The following MYH11 variants were observed in gnomAD, a reference collection of about 807,000 sequenced individuals.
The protein encoded by MYH11 is myosin heavy chain 11, also known as myosin-11.
In MYH11, 80 loss-of-function variants were observed where a neutral mutation model predicts 246.6. The observed-to-expected ratio is 0.32, with a 90% CI of 0.27 to 0.39. MYH11 has a LOEUF of 0.39. MYH11 is among the 10% of genes least tolerant of loss of function. The probability of loss-of-function intolerance (pLI) is 1.00; values close to 1 mark genes in which losing one functional copy is unlikely to be tolerated. For missense variants in MYH11, 2,158 were observed against 2,546.8 expected (o/e 0.85, Z 3.29); for synonymous variants, 1,071 against 1,015.5 (o/e 1.05, Z -1.04).
chr16:15,785,096 C>G (rs1232707232), intron 5 of MYH11: 3 of 172,582 alleles, frequency 1.7e-5, no homozygotes, highest in African/African-American at 7.5e-5. Flanking sequence ...ACCATCCTCC[C>G]ACCTTGGCCT....
In MYH11 at chr16:15,741,284, C is replaced by G. The variant is rs943916585; in HGVS notation, c.2859+179G>C. 8.3e-6 allele frequency: 6 copies of G among 722,454 alleles called. No homozygotes were observed. The African/African-American group carries it at 1.0e-4, about 12-fold the overall frequency. The allele number at this position is 722,454 out of a possible 1,614,324, so 44.8% of individuals were successfully genotyped here. On this transcript the variant is annotated intron_variant, in intron 22 of 40. Coordinates refer to ENST00000300036, the MANE Select transcript of MYH11 (RefSeq NM_002474.3). The stretch of plus-strand genomic sequence containing the variant: ...GCAGGGCAATAGAACAGAGTGGGCT[C>G]ACTGTGTTCCAGTCCCAATCCCAGC...
chr16:15,823,420 AG>A lies in MYH11; in HGVS notation c.346-10del, dbSNP rs1441162790. Reference sequence around the variant, plus strand: ...AAGAGGCCAGAGTACGTCTGCAGACAGAGAACCCAGCTTACTTCCAGACCTC... The same window carrying A: ...AAGAGGCCAGAGTACGTCTGCAGACAAGAACCCAGCTTACTTCCAGACCTC... On this transcript the variant is annotated splice_polypyrimidine_tract_variant and intron_variant, in intron 2 of 40. Coordinates refer to ENST00000300036, the MANE Select transcript of MYH11 (RefSeq NM_002474.3). 1 of 1,614,208 alleles carries A rather than the reference AG, an allele frequency of 6.2e-7. No homozygotes were observed. Among genetic ancestry groups the A allele is most frequent in the South Asian group, 1.1e-5 (1 of 91,084 alleles).
At chr16:15,841,682 G>A (rs2044055446) in intron 1 of MYH11, among the ~76,000 whole-genome samples, 1 of 152,204 alleles carries the variant, frequency 6.6e-6, no homozygotes, top group Admixed American at 6.5e-5. Context: ...ACACTCTATA[G>A]GCCTGTCCGG....
chr16:15,767,936 AAT>A (rs1491172196), intron 9 of MYH11, among the ~76,000 whole-genome samples: 2 of 151,614 alleles, frequency 1.3e-5, no homozygotes, highest in Admixed American at 6.6e-5. Flanking sequence ...AAAAAAAAAA[AAT>A]TTTTTTTTTT....
chr16:15,775,363 T>C (rs78451754), intron 8 of MYH11, among the ~76,000 whole-genome samples: 1 of 152,146 alleles, frequency 6.6e-6, no homozygotes. Context: ...CCTATGTTCA[T>C]TGGTTTATGT....
rs1277568380 is a variant in MYH11, at chr16:15,720,369, T to C, written c.4792-57A>G. 5.7e-6 allele frequency: 9 copies of C among 1,573,180 alleles called. No individual in the cohort carries two copies. In the African/African-American group the frequency reaches 9.5e-5, roughly 17 times the overall value. On this transcript the variant is annotated intron_variant, in intron 33 of 40. Coordinates refer to ENST00000300036, the MANE Select transcript of MYH11 (RefSeq NM_002474.3). ...ACTTGCCCCTGGGAGGTCCTTTGGC[T>C]CACCTAGGCAGCACATCACTGCACC...
chr16:15,746,311 G>T (rs529062447), intron 19 of MYH11, among the ~76,000 whole-genome samples: 1 of 152,012 alleles, frequency 6.6e-6, no homozygotes, highest in East Asian at 1.9e-4. Flanking sequence ...AAGGGCTATC[G>T]ATAGATTGAG....
At chr16:15,851,035 C>T (rs1284463445) in intron 1 of MYH11, among the ~76,000 whole-genome samples, 2 of 152,166 alleles carry the variant, frequency 1.3e-5, no homozygotes, top group Non-Finnish European at 1.5e-5. Context: ...TCTAGACTAG[C>T]CTGGGCAGCA....
At position 15,771,596 on chromosome 16, in the gene MYH11, T is replaced by C; in HGVS notation, c.1006A>G (p.Met336Val). Residue 336 changes from methionine to valine, a missense_variant, in exon 9 of 41, where the codon ATG becomes GTG. Physicochemically the swap from Met to Val is conservative, Grantham distance 21. Coordinates refer to ENST00000300036, the MANE Select transcript of MYH11 (RefSeq NM_002474.3). Reference protein sequence around the residue: ...FQETVEAMAIMGFSEEEQLSI... With the variant: ...FQETVEAMAIVGFSEEEQLSI... ...AGCTGCTCCTCCTCGCTGAAACCCATGATTGCCATGGCCTCCACGGTTTCC... is the reference window on the plus strand; with the variant it reads ...AGCTGCTCCTCCTCGCTGAAACCCACGATTGCCATGGCCTCCACGGTTTCC... 1.2e-6 allele frequency: 2 copies of C among 1,614,032 alleles called. No individual in the cohort carries two copies. The highest frequency in any genetic ancestry group is 1.7e-6 in the Non-Finnish European group (2 of 1,180,016).
chr16:15,825,324 G>C (rs1019455242), intron 2 of MYH11, among the ~76,000 whole-genome samples: 3 of 150,494 alleles, frequency 2.0e-5, no homozygotes, highest in Non-Finnish European at 4.4e-5. Context: ...CAAGGTGGGA[G>C]GATTGCTTCA....
At chr16:15,841,493 T>C (rs976266860) in intron 1 of MYH11, among the ~76,000 whole-genome samples, 1 of 152,156 alleles carries the variant, frequency 6.6e-6, no homozygotes, top group Non-Finnish European at 1.5e-5. Flanking sequence ...TGTGAAAATC[T>C]TGATTCTGCG....
At chr16:15,837,562 G>A (rs1407408437) in intron 2 of MYH11, among the ~76,000 whole-genome samples, 1 of 133,050 alleles carries the variant, frequency 7.5e-6, no homozygotes. Flanking sequence ...TTGAGACAGA[G>A]TCTTATTCTG....
chr16:15,780,540 G>GCT (rs2042328582), intron 6 of MYH11, among the ~76,000 whole-genome samples: 1 of 133,424 alleles, frequency 7.5e-6, no homozygotes, highest in South Asian at 2.4e-4. Flanking sequence ...GGAGTGCAGT[G>GCT]GTGTGACTTT....
In MYH11 at chr16:15,739,747, C is replaced by CT. The variant is rs111275327; in HGVS notation, c.2997+303dup. On this transcript the variant is annotated intron_variant, in intron 23 of 40. Coordinates refer to ENST00000300036, the MANE Select transcript of MYH11 (RefSeq NM_002474.3). ...TTTTTAATGCAGAAACTTGATTCCA[C>CT]TTTTTTTTTTTTTTGAAACAGAGTC... 5.1e-3 allele frequency among the ~76,000 whole-genome samples: 748 copies of CT among 145,736 alleles called. 6 individuals carry two copies. Among genetic ancestry groups the CT allele is most frequent in the East Asian group, 0.034 (170 of 5,014 alleles).
intron 27 of MYH11, among the ~76,000 whole-genome samples, chr16:15,728,049 C>T (rs977093292): frequency 3.3e-5 from 5 of 152,108 alleles, no homozygotes; most frequent in African/African-American, 1.2e-4. Context: ...GCCAACATGG[C>T]GAAACTGCAT....
intron 7 of MYH11, among the ~76,000 whole-genome samples, chr16:15,777,670 T>G (rs1022211156): frequency 6.6e-6 from 1 of 152,114 alleles, no homozygotes; most frequent in Admixed American, 6.6e-5. Flanking sequence ...CTGGCTGGTT[T>G]GGGCAGATTA....
rs533671828 is a variant in MYH11 at position 15,722,831 on chromosome 16, C to A, written c.4366-1197G>T. On this transcript the variant is annotated intron_variant, in intron 31 of 40. Coordinates refer to ENST00000300036, the MANE Select transcript of MYH11 (RefSeq NM_002474.3). ...TCTTGGCTCACTGCAACCTCCACCC[C>A]ACCCTGGGTTCAAGCGATTCTCCTG... is the stretch of plus-strand genomic sequence containing the variant. Among the ~76,000 whole-genome samples, 5 of 152,300 alleles carry A rather than the reference C, an allele frequency of 3.3e-5. 1 individual carries two copies. In the South Asian group the frequency reaches 8.3e-4, roughly 25 times the overall value.
chr16:15,793,783 C>A (rs1183178941), intron 4 of MYH11, among the ~76,000 whole-genome samples: 2 of 148,296 alleles, frequency 1.3e-5, no homozygotes, highest in African/African-American at 5.0e-5. Flanking sequence ...CCATGCCCGG[C>A]TAATTTTTTT....
Position 15,838,004 on chromosome 16 carries a change from C to G in MYH11, c.249G>C (p.Lys83Asn). The G allele has an allele frequency of 1.2e-6, 2 of 1,614,154 alleles. No individual in the cohort carries two copies. Among genetic ancestry groups the G allele is most frequent in the African/African-American group, 1.3e-5 (1 of 75,032 alleles). ...KDDIQKMNPP[K>N]FSKVEDMAEL... Reference sequence around the variant, plus strand: ...CCGCCATGTCCTCCACCTTGGAGAACTTGGGTGGGTTCATCTTCTGGATGT... The same window carrying G: ...CCGCCATGTCCTCCACCTTGGAGAAGTTGGGTGGGTTCATCTTCTGGATGT... The change falls in exon 2 of 41, where the codon AAG becomes AAC. Residue 83 changes from lysine (K) to asparagine (N), a missense_variant. By Grantham distance (94) the Lys-to-Asn change is moderately conservative. Transcript: ENST00000300036.
Sources: gnomAD v4.1 joint callset for allele counts (sites outside exome capture counted in the v4.1 genomes callset) on GRCh38, gnomAD v4.1.1 for gene constraint, MANE v1.5 for transcripts, NCBI Gene and HGNC (gene_info 2026-07-23, HGNC 2026-07-21) for gene names.